CNTN4: variants seen among roughly 807,000 people sequenced by gnomAD.
CNTN4 encodes the protein contactin 4.
A neutral mutation model predicts 122.5 loss-of-function variants in CNTN4; 77 were observed. That is an observed-to-expected ratio of 0.63 (90% confidence interval 0.52 to 0.76). The LOEUF (loss-of-function observed/expected upper bound fraction) is 0.76. CNTN4 is among the 30% of genes least tolerant of loss of function. The pLI, the probability that CNTN4 is intolerant of heterozygous loss-of-function variation, is 0.00. For synonymous variants in CNTN4, 512 were observed against 447.0 expected (o/e 1.15, Z -1.83); for missense variants, 1,256 against 1,259.1 (o/e 1.00, Z 0.04).
chr3:2,549,260 G>A (rs2078380078), intron 3 of CNTN4, among the ~76,000 whole-genome samples: 1 of 152,134 alleles, frequency 6.6e-6, no homozygotes, highest in Non-Finnish European at 1.5e-5. Flanking sequence ...GGTAAGAGAG[G>A]CATCCTTGTC....
chr3:2,269,906 G>A lies in CNTN4; in HGVS notation c.-144-69272G>A, dbSNP rs62244975. ...ATCCCCTATTATAGCCAGTTTGTTTGTTTGTTTGTTTATTTATTTATTTAT... is the reference window on the plus strand; with the variant it reads ...ATCCCCTATTATAGCCAGTTTGTTTATTTGTTTGTTTATTTATTTATTTAT... On this transcript the variant is annotated intron_variant, in intron 2 of 24. Transcript: ENST00000418658. Among the ~76,000 whole-genome samples, 35 of 19,380 alleles carry A rather than the reference G, an allele frequency of 1.8e-3. 3 individuals carry two copies. Among genetic ancestry groups the A allele is most frequent in the South Asian group, 9.8e-3 (2 of 204 alleles). 12.7% of individuals were successfully genotyped at this position (19,380 alleles called of 152,430 possible).
intron 12 of CNTN4, among the ~76,000 whole-genome samples, chr3:2,912,678 G>A (rs773166582): frequency 1.1e-4 from 16 of 152,134 alleles, no homozygotes; most frequent in Non-Finnish European, 2.2e-4. Context: ...TAACAAAGTG[G>A]GGCAGCAGGA....
chr3:2,478,508 T>C (rs1195297192), intron 3 of CNTN4, among the ~76,000 whole-genome samples: 1 of 151,984 alleles, frequency 6.6e-6, no homozygotes, highest in Non-Finnish European at 1.5e-5. Context: ...GATGGTTTAC[T>C]GCACAGATCA....
intron 4 of CNTN4, among the ~76,000 whole-genome samples, chr3:2,625,158 G>T (rs147106950): frequency 6.6e-6 from 1 of 151,952 alleles, no homozygotes; most frequent in Non-Finnish European, 1.5e-5. Flanking sequence ...TACTGTAATC[G>T]TGCTTAATAA....
chr3:2,893,236 G>A (rs1255125059), intron 10 of CNTN4, among the ~76,000 whole-genome samples: 1 of 152,192 alleles, frequency 6.6e-6, no homozygotes, highest in Non-Finnish European at 1.5e-5. Flanking sequence ...TAGGCTTGAT[G>A]ACACTGCAAA....
rs1181977668 is a variant in CNTN4, at chr3:2,865,279, A to ACCCCT, written c.455-1470_455-1466dup. Among the ~76,000 whole-genome samples, 3 of 152,238 alleles carry ACCCCT rather than the reference A, an allele frequency of 2.0e-5. No homozygotes were observed. In the East Asian group the frequency reaches 5.8e-4, roughly 29 times the overall value. On this transcript the variant is annotated intron_variant, in intron 7 of 24. Transcript: ENST00000418658. ...TGATAAAGGGAAAGCAATGTGCATG[A>ACCCCT]CCCCTCCTTTGTGCGTAAACAGTGG...
At chr3:2,359,352 G>A (rs2045017397) in intron 3 of CNTN4, among the ~76,000 whole-genome samples, 1 of 152,094 alleles carries the variant, frequency 6.6e-6, no homozygotes, top group Non-Finnish European at 1.5e-5. Flanking sequence ...TAATACTCCA[G>A]TGTTCACTTA....
chr3:2,177,341 C>A (rs771311567), intron 2 of CNTN4, among the ~76,000 whole-genome samples: 11 of 152,082 alleles, frequency 7.2e-5, no homozygotes, highest in Non-Finnish European at 1.2e-4. Flanking sequence ...TAATAACATT[C>A]TACCTGGTTT....
chr3:3,055,555 A>T (rs1384227721), intron 24 of CNTN4, among the ~76,000 whole-genome samples: 1 of 152,212 alleles, frequency 6.6e-6, no homozygotes, highest in East Asian at 1.9e-4. Context: ...AAGAAAATTT[A>T]AAAAAGGATT....
chr3:2,554,609 TA>T lies in CNTN4; in HGVS notation c.-88-16806del, dbSNP rs564378463. 5.3e-5 allele frequency among the ~76,000 whole-genome samples: 8 copies of T among 152,302 alleles called. No individual in the cohort carries two copies. In the East Asian group the frequency reaches 1.5e-3, roughly 29 times the overall value. On this transcript the variant is annotated intron_variant, in intron 3 of 24. Transcript: ENST00000418658. ...TAAGTGGGTAGGTAGTAAATATATA[TA>T]TTTTTTATTTTATAGGCGATATGAT...
intron 2 of CNTN4, among the ~76,000 whole-genome samples, chr3:2,120,397 ATATATATATTTT>A (rs1173683247): frequency 2.3e-3 from 69 of 30,610 alleles, no homozygotes; most frequent in African/African-American, 6.2e-3. Context: ...ATATATATAT[ATATATATATTTT>A]TTTTTTTTTT....
chr3:2,380,535 A>G (rs149242736), intron 3 of CNTN4, among the ~76,000 whole-genome samples: 3 of 152,192 alleles, frequency 2.0e-5, no homozygotes, highest in South Asian at 2.1e-4. Flanking sequence ...GCAAATTTTA[A>G]TTGGTTTATC....
At chr3:2,111,342 T>G (rs925382434) in intron 2 of CNTN4, among the ~76,000 whole-genome samples, 1 of 152,216 alleles carries the variant, frequency 6.6e-6, no homozygotes, top group Admixed American at 6.5e-5. Context: ...CTTTTAAACA[T>G]TAGTATTTTC....
intron 10 of CNTN4, among the ~76,000 whole-genome samples, chr3:2,895,344 A>C (rs2094095984): frequency 1.3e-5 from 2 of 152,246 alleles, no homozygotes; most frequent in Admixed American, 6.5e-5. Context: ...TAATTTTCAT[A>C]ACATTTACAG....
At chr3:2,215,448 C>T (rs2038795609) in intron 2 of CNTN4, among the ~76,000 whole-genome samples, 1 of 152,160 alleles carries the variant, frequency 6.6e-6, no homozygotes, top group African/African-American at 2.4e-5. Flanking sequence ...TATACAGCCT[C>T]CTGATATAAA....
intron 5 of CNTN4, among the ~76,000 whole-genome samples, chr3:2,742,247 A>G (rs980357632): frequency 1.3e-5 from 2 of 152,132 alleles, no homozygotes; most frequent in African/African-American, 4.8e-5. Flanking sequence ...TATTCCCTCA[A>G]CTGAGCCTTC....
intron 3 of CNTN4, among the ~76,000 whole-genome samples, chr3:2,408,788 T>C (rs2047126017): frequency 6.6e-6 from 1 of 152,176 alleles, no homozygotes; most frequent in South Asian, 2.1e-4. Flanking sequence ...GATGTCAGTG[T>C]CATCATAGAT....
intron 7 of CNTN4, among the ~76,000 whole-genome samples, chr3:2,846,042 T>C (rs2093450327): frequency 6.6e-6 from 1 of 152,208 alleles, no homozygotes; most frequent in South Asian, 2.1e-4. Flanking sequence ...GAGCAGGTCC[T>C]TGATTAAATA....
At chr3:2,518,787 A>G (rs893915147) in intron 3 of CNTN4, among the ~76,000 whole-genome samples, 2 of 152,148 alleles carry the variant, frequency 1.3e-5, no homozygotes, top group African/African-American at 4.8e-5. Context: ...ATGTGGAAGT[A>G]TAGGGAAGGT....
Sources: gnomAD v4.1 joint callset for allele counts (sites outside exome capture counted in the v4.1 genomes callset) on GRCh38, gnomAD v4.1.1 for gene constraint, MANE v1.5 for transcripts, NCBI Gene and HGNC (gene_info 2026-07-23, HGNC 2026-07-21) for gene names.